The following TXLNB variants were observed in gnomAD, a reference collection of about 807,000 sequenced individuals.
The protein encoded by TXLNB is taxilin beta.
In TXLNB, 37 loss-of-function variants were observed where a neutral mutation model predicts 57.4. The observed-to-expected ratio is 0.64, with a 90% CI of 0.50 to 0.85. The LOEUF (loss-of-function observed/expected upper bound fraction) is 0.85. Among genes scored for constraint, TXLNB ranks in the 40% least tolerant of loss-of-function variants. The pLI, the probability that TXLNB is intolerant of heterozygous loss-of-function variation, is 0.00. For synonymous variants in TXLNB, 302 were observed against 309.6 expected, an observed-to-expected ratio of 0.98 and a Z score of 0.26; for missense variants, 848 against 825.6, an observed-to-expected ratio of 1.03 and a Z score of -0.33.
chr6:139,196,372 T>G, the TXLNB span, among the ~76,000 whole-genome samples: 4 of 137,294 alleles, frequency 2.9e-5, no homozygotes, highest in South Asian at 2.5e-4. Context: ...CTGGTTTTTT[T>G]TTTTTTTTTT....
the TXLNB span, among the ~76,000 whole-genome samples, chr6:139,306,022 T>C: frequency 6.6e-6 from 1 of 152,192 alleles, no homozygotes; most frequent in African/African-American, 2.4e-5. Flanking sequence ...TTGTAGCATT[T>C]CAACAATTTT....
intron 1 of TXLNB, among the ~76,000 whole-genome samples, 153 bp downstream of exon 1, chr6:139,291,768 C>T (rs1321227913): frequency 2.6e-5 from 4 of 152,176 alleles, no homozygotes; most frequent in Admixed American, 2.6e-4. Flanking sequence ...ATCACAGACA[C>T]ATCCCTCCCT....
the TXLNB span, among the ~76,000 whole-genome samples, chr6:139,217,694 C>G: frequency 5.3e-5 from 8 of 151,728 alleles, no homozygotes; most frequent in African/African-American, 9.7e-5. Context: ...CGGTGAAACC[C>G]TGTTTCTACT....
intron 7 of TXLNB, among the ~76,000 whole-genome samples, chr6:139,249,475 G>A (rs1240973789): frequency 1.3e-5 from 2 of 152,188 alleles, no homozygotes; most frequent in Admixed American, 6.5e-5. Context: ...CAAGGGCCCT[G>A]GCTGCACTGG....
At chr6:139,246,765 T>G (rs996568622) in intron 8 of TXLNB, among the ~76,000 whole-genome samples, 6 of 151,734 alleles carry the variant, frequency 4.0e-5, no homozygotes, top group Non-Finnish European at 8.8e-5. Flanking sequence ...AAATATAAAA[T>G]TAACCGGACA....
chr6:139,183,869 A>G, the TXLNB span, among the ~76,000 whole-genome samples: 1 of 152,120 alleles, frequency 6.6e-6, no homozygotes, highest in South Asian at 2.1e-4. Context: ...TTAAGAGTAC[A>G]TCTAGTTGTA....
rs41289821 is a variant in TXLNB at position 139,262,777 on chromosome 6, C to A, written c.688-4G>T. The A allele has an allele frequency of 0.016, 25,540 of 1,611,394 alleles. 218 individuals are homozygous for A. The highest frequency in any genetic ancestry group is 0.018 in the Non-Finnish European group (20,990 of 1,178,972). On this transcript the variant is annotated splice_region_variant and splice_polypyrimidine_tract_variant and intron_variant, in intron 4 of 9. Coordinates refer to ENST00000358430, the MANE Select transcript of TXLNB (RefSeq NM_153235.4). ...GTGCCCGCTGAAGCGCCTCTTCCTG[C>A]GGATAAAAAGCAAAACATTTTGTTT...
the TXLNB span, among the ~76,000 whole-genome samples, chr6:139,311,212 G>A: frequency 6.6e-6 from 1 of 152,132 alleles, no homozygotes; most frequent in Non-Finnish European, 1.5e-5. Flanking sequence ...TGAAAATGTG[G>A]CCCTAATGCT....
chr6:139,174,590 C>A, the TXLNB span: 1 of 1,581,786 alleles, frequency 6.3e-7, no homozygotes. Context: ...GGCTTCTGTC[C>A]CCAAGTGAAT....
chr6:139,185,642 A>T, the TXLNB span, among the ~76,000 whole-genome samples: 1 of 152,172 alleles, frequency 6.6e-6, no homozygotes, highest in East Asian at 1.9e-4. Flanking sequence ...CGGAGCTTGC[A>T]GTGAGCCGAG....
At chr6:139,173,397 C>T in the TXLNB span, among the ~76,000 whole-genome samples, 1 of 152,162 alleles carries the variant, frequency 6.6e-6, no homozygotes, top group Non-Finnish European at 1.5e-5. Context: ...CAAGTAAATG[C>T]AAACGAAGGG....
chr6:139,196,525 C>T, the TXLNB span, among the ~76,000 whole-genome samples: 1 of 151,750 alleles, frequency 6.6e-6, no homozygotes, highest in Non-Finnish European at 1.5e-5. Flanking sequence ...CAGGTGCCCA[C>T]CACCATACCC....
At chr6:139,166,259 T>C in the TXLNB span, 1 of 1,551,120 alleles carries the variant, frequency 6.4e-7, no homozygotes, top group Non-Finnish European at 8.7e-7. Context: ...ATCTGAAATC[T>C]GTTCTCTCTT....
At chr6:139,169,067 C>T in the TXLNB span, among the ~76,000 whole-genome samples, 1,605 of 152,248 alleles carry the variant, frequency 0.011, 28 homozygotes, top group African/African-American at 0.037. Context: ...CTCTATTTGT[C>T]GTGCTTTCTG....
the TXLNB span, among the ~76,000 whole-genome samples, chr6:139,198,223 G>A: frequency 1.1e-3 from 169 of 150,884 alleles, no homozygotes; most frequent in African/African-American, 3.9e-3. Context: ...TAATAAACCT[G>A]GATTTTGTTC....
At chr6:139,268,542 A>G (rs1776675145) in intron 4 of TXLNB, among the ~76,000 whole-genome samples, 1 of 152,226 alleles carries the variant, frequency 6.6e-6, no homozygotes, top group Non-Finnish European at 1.5e-5. Flanking sequence ...AAAATTAGAA[A>G]GAAAATTTGA....
the TXLNB span, among the ~76,000 whole-genome samples, chr6:139,206,629 G>A: frequency 8.6e-5 from 13 of 151,186 alleles, no homozygotes; most frequent in African/African-American, 1.5e-4. Context: ...AGCTGAGATC[G>A]CGCCACTGCA....
the TXLNB span, among the ~76,000 whole-genome samples, chr6:139,194,580 G>C: frequency 1.3e-5 from 2 of 152,120 alleles, no homozygotes; most frequent in South Asian, 4.1e-4. Context: ...AATATGTTTA[G>C]AATTCAACCA....
intron 2 of TXLNB, chr6:139,286,892 T>G (rs1303150680): frequency 1.8e-5 from 3 of 169,330 alleles, no homozygotes; most frequent in African/African-American, 7.2e-5. Context: ...TCCCACTGAT[T>G]CTACATTACG....
Sources: allele counts gnomAD v4.1 joint callset (sites outside exome capture counted in the v4.1 genomes callset), GRCh38; gene constraint gnomAD v4.1.1; transcripts MANE v1.5; gene names NCBI Gene and HGNC (gene_info 2026-07-23, HGNC 2026-07-21).